The following ERBB4 variants were observed in gnomAD, a reference collection of about 807,000 sequenced individuals.
ERBB4 encodes erb-b2 receptor tyrosine kinase 4.
Under a neutral mutation model 158.0 loss-of-function variants are expected in ERBB4, and 42 were observed. The observed-to-expected ratio is 0.27, with a 90% CI of 0.21 to 0.34. ERBB4 has a LOEUF of 0.34. Among genes scored for constraint, ERBB4 ranks in the 10% least tolerant of loss-of-function variants. The pLI, the probability that ERBB4 is intolerant of heterozygous loss-of-function variation, is 1.00. For missense variants in ERBB4, 1,333 were observed against 1,624.1 expected (o/e 0.82, Z 3.08); for synonymous variants, 583 against 558.7 (o/e 1.04, Z -0.61).
At chr2:212,125,566 C>G (rs1432417838) in intron 1 of ERBB4, among the ~76,000 whole-genome samples, 1 of 152,206 alleles carries the variant, frequency 6.6e-6, no homozygotes, top group Non-Finnish European at 1.5e-5. Flanking sequence ...CCTCTCCCTC[C>G]TCCCAACTTC....
intron 16 of ERBB4, 42 bp downstream of exon 16, chr2:211,657,712 G>T (rs776679501): frequency 1.1e-5 from 16 of 1,463,888 alleles, no homozygotes; most frequent in South Asian, 6.8e-5. Flanking sequence ...TGATAACTAG[G>T]AAAGGATTTG....
chr2:211,602,164 T>C (rs2068820971), intron 19 of ERBB4, among the ~76,000 whole-genome samples: 1 of 151,960 alleles, frequency 6.6e-6, no homozygotes, highest in African/African-American at 2.4e-5. Flanking sequence ...CTTGGTACAG[T>C]CCATCCTAGT....
intron 1 of ERBB4, among the ~76,000 whole-genome samples, chr2:212,451,661 T>C (rs541117006): frequency 6.6e-6 from 1 of 152,188 alleles, no homozygotes; most frequent in Non-Finnish European, 1.5e-5. Flanking sequence ...ACAAATAAAT[T>C]ATAGCAAAAC....
At chr2:212,186,567 T>A (rs1041217737) in intron 1 of ERBB4, among the ~76,000 whole-genome samples, 1 of 152,136 alleles carries the variant, frequency 6.6e-6, no homozygotes. Context: ...CAAATTTTAC[T>A]CAACCTACCC....
At chr2:212,052,957 C>T (rs2077443027) in intron 2 of ERBB4, among the ~76,000 whole-genome samples, 1 of 152,196 alleles carries the variant, frequency 6.6e-6, no homozygotes, top group South Asian at 2.1e-4. Flanking sequence ...CAGTGATTGG[C>T]TTCCTGTGCC....
intron 2 of ERBB4, among the ~76,000 whole-genome samples, chr2:212,079,755 G>T (rs534071438): frequency 5.5e-4 from 84 of 152,064 alleles, no homozygotes; most frequent in African/African-American, 1.9e-3. Context: ...GACAGCAACA[G>T]GCATACACAC....
At chr2:211,900,373 A>AAC (rs72160363) in intron 3 of ERBB4, among the ~76,000 whole-genome samples, 7,835 of 148,666 alleles carry the variant, frequency 0.053, 225 homozygotes, top group Middle Eastern at 0.076. Flanking sequence ...TTTATGTTTA[A>AAC]ACACACACAC....
chr2:212,247,608 A>T (rs2084359217), intron 1 of ERBB4, among the ~76,000 whole-genome samples: 1 of 152,240 alleles, frequency 6.6e-6, no homozygotes, highest in African/African-American at 2.4e-5. Flanking sequence ...TCTAGAAAGC[A>T]ATTAAAACCA....
intron 1 of ERBB4, among the ~76,000 whole-genome samples, chr2:212,382,783 A>G (rs902626265): frequency 1.4e-4 from 21 of 151,312 alleles, no homozygotes; most frequent in African/African-American, 5.1e-4. Context: ...CATTAATTAT[A>G]ATTTGTAATT....
Position 212,525,060 on chromosome 2 carries a change from A to G in ERBB4, c.82+13389T>C, listed in dbSNP as rs1692376503. On this transcript the variant is annotated intron_variant, in intron 1 of 27. Coordinates refer to ENST00000342788, the MANE Select transcript of ERBB4 (RefSeq NM_005235.3). ...GGTAAAACAGCATTTCAATGTTTTA[A>G]CAATCAGTAAAGTTGTAAGAAATAC... Among the ~76,000 whole-genome samples the G allele has an allele frequency of 2.6e-5, 4 of 152,174 alleles. No individual in the cohort carries two copies. The South Asian group carries it at 8.3e-4, about 32-fold the overall frequency.
chr2:211,976,659 AATAT>A (rs1164415350), intron 2 of ERBB4, among the ~76,000 whole-genome samples: 1 of 152,018 alleles, frequency 6.6e-6, no homozygotes, highest in East Asian at 1.9e-4. Context: ...ATAACTATAA[AATAT>A]ATATATTTAT....
At chr2:211,952,827 TATCTCTG>T (rs1405658195) in intron 2 of ERBB4, among the ~76,000 whole-genome samples, 4 of 152,084 alleles carry the variant, frequency 2.6e-5, no homozygotes, top group African/African-American at 9.6e-5. Flanking sequence ...TTACAAATAT[TATCTCTG>T]ATAATAGCCA....
At chr2:212,160,226 T>A (rs1440801635) in intron 1 of ERBB4, among the ~76,000 whole-genome samples, 12 of 151,954 alleles carry the variant, frequency 7.9e-5, no homozygotes, top group Non-Finnish European at 1.5e-5. Context: ...GAACCCTGGA[T>A]TGGATGCTTC....
chr2:212,474,214 T>A (rs1289198926), intron 1 of ERBB4, among the ~76,000 whole-genome samples: 1 of 152,040 alleles, frequency 6.6e-6, no homozygotes, highest in Non-Finnish European at 1.5e-5. Context: ...TGATTTTTTT[T>A]TTTTTAGTAT....
At chr2:212,535,683 A>G (rs1405381786) in intron 1 of ERBB4, among the ~76,000 whole-genome samples, 3 of 152,194 alleles carry the variant, frequency 2.0e-5, no homozygotes, top group African/African-American at 7.2e-5. Flanking sequence ...TTGCCATATA[A>G]AGGGACTTTG....
chr2:211,477,313 T>TC (rs1559207148), intron 20 of ERBB4, among the ~76,000 whole-genome samples: 5 of 144,150 alleles, frequency 3.5e-5, no homozygotes, highest in African/African-American at 1.4e-4. Context: ...CTCTCTCTCT[T>TC]TCTCTCTCTC....
intron 1 of ERBB4, among the ~76,000 whole-genome samples, chr2:212,463,187 T>A (rs1216379382): frequency 6.6e-6 from 1 of 152,092 alleles, no homozygotes; most frequent in African/African-American, 2.4e-5. Flanking sequence ...TAGTGTTATA[T>A]AGCACTGTAG....
chr2:211,705,484 T>G, intron 9 of ERBB4, 93 bp from the exon 10 acceptor site: 1 of 893,560 alleles, frequency 1.1e-6, no homozygotes, highest in Non-Finnish European at 1.9e-6. Flanking sequence ...AAATTTAATT[T>G]TAATTAGCAG....
chr2:211,846,677 G>A (rs938637989), intron 3 of ERBB4, among the ~76,000 whole-genome samples: 8 of 152,034 alleles, frequency 5.3e-5, no homozygotes, highest in Non-Finnish European at 1.5e-5. Flanking sequence ...AATGTCAAAT[G>A]TATATCCTCC....
Sources: gnomAD v4.1 joint callset for allele counts (sites outside exome capture counted in the v4.1 genomes callset) on GRCh38, gnomAD v4.1.1 for gene constraint, MANE v1.5 for transcripts, NCBI Gene and HGNC (gene_info 2026-07-23, HGNC 2026-07-21) for gene names.